KDM6A: variants seen among roughly 807,000 people sequenced by gnomAD.
KDM6A encodes lysine-specific demethylase 6A.
A neutral mutation model predicts 117.6 loss-of-function variants in KDM6A; 11 were observed. The ratio of observed to expected loss-of-function variants is 0.09; its 90% CI spans 0.06 to 0.15. The LOEUF is 0.15. Ranked by LOEUF, KDM6A falls within the 10% of genes least tolerant of loss-of-function variation. The pLI is 1.00. For synonymous variants in KDM6A, 384 were observed against 396.1 expected (o/e 0.97, Z 0.36); for missense variants, 799 against 1,077.3 (o/e 0.74, Z 3.62).
Position 45,111,556 on chromosome X carries a change from A to G in KDM6A, c.*145A>G. On this transcript the variant is annotated 3_prime_UTR_variant, in exon 30 of 30. Transcript: ENST00000611820. ...CCTTCCAAGTGCGGAGTGTCAACCA[A>G]CTGGACGGGAGAGAGTACTGCTCCT... 2 of 531,113 alleles carry G rather than the reference A, an allele frequency of 3.8e-6. No homozygotes were observed. The highest frequency in any genetic ancestry group is 2.6e-5 in the South Asian group (1 of 38,205). The allele number at this position is 531,113 out of a possible 1,213,427, so 43.8% of individuals were successfully genotyped here.
chrX:45,074,284 TTTC>T (rs754005190), intron 18 of KDM6A, among the ~76,000 whole-genome samples: 109 of 112,011 alleles, frequency 9.7e-4, no homozygotes, highest in Non-Finnish European at 1.1e-4. Flanking sequence ...AATCTGCTTC[TTTC>T]TTCAACTCCT....
chrX:45,090,200 A>C (rs1464255072), intron 26 of KDM6A, among the ~76,000 whole-genome samples: 1 of 111,632 alleles, frequency 9.0e-6, no homozygotes, highest in African/African-American at 3.2e-5. Flanking sequence ...TTTTAAAAAA[A>C]CCCTTATGAG....
At chrX:44,950,256 C>T (rs769677815) in intron 2 of KDM6A, among the ~76,000 whole-genome samples, 33 of 110,996 alleles carry the variant, frequency 3.0e-4, no homozygotes, top group Non-Finnish European at 4.7e-4. Flanking sequence ...CATCGTGATC[C>T]ACCCGCCTCG....
chrX:44,957,140 T>A (rs1040924510), intron 2 of KDM6A, among the ~76,000 whole-genome samples: 5 of 110,157 alleles, frequency 4.5e-5, no homozygotes, highest in Non-Finnish European at 9.5e-5. Context: ...CAAAAAAAAA[T>A]AAATAAATAA....
In KDM6A at chrX:45,069,628, G is replaced by A. The variant is rs376210390; in HGVS notation, c.2129G>A (p.Arg710Gln). 83 of 1,208,524 alleles carry A rather than the reference G, an allele frequency of 6.9e-5. No individual in the cohort carries two copies. In the South Asian group the frequency reaches 1.1e-3, roughly 15 times the overall value. ...CATTCGGCAGGTCCTAATGGTGAAC[G>A]ACCTCTCTCTTCCACTGGGCCTTCC... ...SSHSAGPNGE[R>Q]PLSSTGPSQH... is the part of the protein sequence containing the mutation. The change falls in exon 18 of 30, where the codon CGA becomes CAA. Residue 710 changes from arginine (R) to glutamine (Q), a missense_variant. This residue lies in a region of KDM6A where 301 missense variants were observed against 318.3 expected (regional missense o/e 0.95). Transcript: ENST00000611820.
At chrX:45,041,416 G>A (rs1308100765) in intron 8 of KDM6A, among the ~76,000 whole-genome samples, 4 of 101,867 alleles carry the variant, frequency 3.9e-5, no homozygotes, top group African/African-American at 1.5e-4. Context: ...GGGGCAGCTG[G>A]CCGGGCGGGG....
At chrX:44,996,567 C>T (rs1328851742) in intron 4 of KDM6A, among the ~76,000 whole-genome samples, 1 of 110,081 alleles carries the variant, frequency 9.1e-6, no homozygotes, top group Non-Finnish European at 1.9e-5. Context: ...GTGATTTGGG[C>T]ATGATGCATA....
rs1344777555 is a variant in KDM6A, at chrX:45,042,424, ACT to A, written c.654+4738_654+4739del. Among the ~76,000 whole-genome samples the A allele has an allele frequency of 2.2e-3, 241 of 110,152 alleles. 1 individual carries two copies. The highest frequency in any genetic ancestry group is 7.6e-3 in the African/African-American group (230 of 30,078). ...AAGTATATGAAAGGATTAAAAAAAAACTCTACACCAGTGATTATAATATGGAT... is the reference window on the plus strand; with the variant it reads ...AAGTATATGAAAGGATTAAAAAAAAACTACACCAGTGATTATAATATGGAT... On this transcript the variant is annotated intron_variant, in intron 8 of 29. Transcript: ENST00000611820.
At chrX:45,078,867 C>T (rs1299460135) in intron 20 of KDM6A, among the ~76,000 whole-genome samples, 2 of 110,091 alleles carry the variant, frequency 1.8e-5, no homozygotes, top group Non-Finnish European at 3.8e-5. Context: ...ATAAGTATTT[C>T]CTGGCATCTG....
intron 7 of KDM6A, among the ~76,000 whole-genome samples, chrX:45,037,360 A>G (rs772541107): frequency 1.8e-5 from 2 of 112,185 alleles, no homozygotes; most frequent in Admixed American, 9.4e-5. Context: ...ACTTTGTAAA[A>G]CATATATTCA....
At chrX:44,996,352 G>A (rs2040862202) in intron 4 of KDM6A, among the ~76,000 whole-genome samples, 1 of 109,964 alleles carries the variant, frequency 9.1e-6, no homozygotes, top group Non-Finnish European at 1.9e-5. Flanking sequence ...TGGGATTACA[G>A]GTGTGAGCCA....
At chrX:44,961,263 T>C (rs918066590) in intron 2 of KDM6A, 21 bp from the exon 3 acceptor site, 1 of 1,120,407 alleles carries the variant, frequency 8.9e-7, no homozygotes, top group African/African-American at 1.8e-5. Flanking sequence ...TGCTTACATA[T>C]TTGTATTTTT....
rs192403483 is a variant in KDM6A, at chrX:45,007,906, T to G, written c.385-3055T>G. On this transcript the variant is annotated intron_variant, in intron 4 of 29. Transcript: ENST00000611820. ...GAAGCCCTCTACCACCACATAAGGTTTTTTAGAACCTTTTGAAAGAGTTGA... is the reference window on the plus strand; with the variant it reads ...GAAGCCCTCTACCACCACATAAGGTGTTTTAGAACCTTTTGAAAGAGTTGA... 2.7e-5 allele frequency among the ~76,000 whole-genome samples: 3 copies of G among 111,988 alleles called. No homozygotes were observed. The East Asian group carries it at 8.4e-4, about 31-fold the overall frequency.
intron 4 of KDM6A, among the ~76,000 whole-genome samples, chrX:45,001,515 A>G (rs2041141579): frequency 9.0e-6 from 1 of 111,138 alleles, no homozygotes; most frequent in Non-Finnish European, 1.9e-5. Context: ...ACTAAGGCCC[A>G]GTCTGAGGAG....
At chrX:44,986,999 T>G (rs1167410085) in intron 4 of KDM6A, among the ~76,000 whole-genome samples, 1 of 111,457 alleles carries the variant, frequency 9.0e-6, no homozygotes, top group Non-Finnish European at 1.9e-5. Context: ...CTGGCTAATA[T>G]TGACAGTGGG....
At chrX:45,082,545 T>G (rs767129450) in intron 21 of KDM6A, 31 bp from the exon 22 acceptor site, 1 of 1,058,682 alleles carries the variant, frequency 9.4e-7, no homozygotes, top group South Asian at 1.9e-5. Context: ...TGTAGAACAC[T>G]AAACTAGACT....
chrX:45,106,010 C>T (rs1569541976), intron 27 of KDM6A, among the ~76,000 whole-genome samples: 1 of 111,400 alleles, frequency 9.0e-6, no homozygotes, highest in Non-Finnish European at 1.9e-5. Flanking sequence ...AACCATTCCC[C>T]CCCGCCCCTT....
At chrX:44,942,480 C>G (rs1236158242) in intron 2 of KDM6A, among the ~76,000 whole-genome samples, 2 of 110,762 alleles carry the variant, frequency 1.8e-5, no homozygotes, top group East Asian at 5.7e-4. Flanking sequence ...TTTGTCTTTT[C>G]ACGAATACCA....
intron 2 of KDM6A, among the ~76,000 whole-genome samples, chrX:44,884,757 A>G (rs1255958555): frequency 9.0e-6 from 1 of 111,318 alleles, no homozygotes; most frequent in Non-Finnish European, 1.9e-5. Flanking sequence ...TGCTACTTTG[A>G]CTTTGTATCT....
Sources: allele counts gnomAD v4.1 joint callset (sites outside exome capture counted in the v4.1 genomes callset), GRCh38; gene constraint gnomAD v4.1.1; regional missense constraint gnomAD v4.1.1; transcripts MANE v1.5; gene names NCBI Gene and HGNC (gene_info 2026-07-23, HGNC 2026-07-21).